The following MYO5B variants were observed in gnomAD, a reference collection of about 807,000 sequenced individuals.
MYO5B encodes myosin VB.
A neutral mutation model predicts 229.3 loss-of-function variants in MYO5B; 143 were observed. The ratio of observed to expected loss-of-function variants is 0.62; its 90% CI spans 0.54 to 0.72. MYO5B has a LOEUF of 0.72. MYO5B is among the 30% of genes least tolerant of loss of function. MYO5B has a pLI of 0.00. For synonymous variants in MYO5B, 918 were observed against 885.2 expected, an observed-to-expected ratio of 1.04 and a Z score of -0.66; for missense variants, 2,321 against 2,331.0, an observed-to-expected ratio of 1.00 and a Z score of 0.09.
chr18:50,044,897 G>A (rs1458730754), intron 2 of MYO5B, among the ~76,000 whole-genome samples: 1 of 151,846 alleles, frequency 6.6e-6, no homozygotes, highest in Admixed American at 6.6e-5. Context: ...CAAGTAGGAG[G>A]GGGGAAAAAG....
At chr18:50,013,120 C>A (rs769413230) in intron 4 of MYO5B, among the ~76,000 whole-genome samples, 5 of 152,226 alleles carry the variant, frequency 3.3e-5, no homozygotes, top group Non-Finnish European at 4.4e-5. Flanking sequence ...GGTTGCTAAA[C>A]ACATCTGAGT....
At chr18:49,977,544 C>A (rs1207066622) in intron 9 of MYO5B, among the ~76,000 whole-genome samples, 2 of 152,124 alleles carry the variant, frequency 1.3e-5, no homozygotes, top group Non-Finnish European at 1.5e-5. Context: ...CTGTGCCTGG[C>A]ACTGTGAGGG....
chr18:49,988,735 AG>A (rs1446224978), intron 7 of MYO5B, among the ~76,000 whole-genome samples: 3 of 152,210 alleles, frequency 2.0e-5, no homozygotes, highest in African/African-American at 4.8e-5. Flanking sequence ...GGAGGATGGC[AG>A]TGGCCCCTAA....
intron 5 of MYO5B, among the ~76,000 whole-genome samples, chr18:50,000,228 T>C (rs4283318): frequency 0.91 from 137,757 of 152,198 alleles, 63,251 homozygotes; most frequent in East Asian, 1. Context: ...AAGACCAAAC[T>C]CCATGGTGAC....
At chr18:49,982,689 T>C (rs1304443758) in intron 8 of MYO5B, among the ~76,000 whole-genome samples, 1 of 152,208 alleles carries the variant, frequency 6.6e-6, no homozygotes, top group Non-Finnish European at 1.5e-5. Flanking sequence ...TTACGTTCTG[T>C]CTATTGCTAC....
In MYO5B at chr18:49,962,427, A is replaced by G. The variant is rs190838455; in HGVS notation, c.1405-21T>C. 70 of 1,614,078 alleles carry G rather than the reference A, an allele frequency of 4.3e-5. No homozygotes were observed. In the East Asian group the frequency reaches 1.4e-3, roughly 32 times the overall value. On this transcript the variant is annotated intron_variant, in intron 11 of 39. Transcript: ENST00000285039. ...ACATGCTAGGGCAAGTAAAAAGGTC[A>G]CACGAGTGAACTGCAGGCACACCTT...
At chr18:50,035,399 A>G (rs1271819249) in intron 4 of MYO5B, among the ~76,000 whole-genome samples, 2 of 152,240 alleles carry the variant, frequency 1.3e-5, no homozygotes, top group Admixed American at 1.3e-4. Context: ...AACCATAAAG[A>G]AACCATCTTC....
Position 49,980,563 on chromosome 18 carries a change from A to G in MYO5B, c.947-10T>C. ...TGGGACTCTTTCACTCCTGGAAAAGAAAAATGAATGGATGACACTCAGTAT... is the reference window on the plus strand; with the variant it reads ...TGGGACTCTTTCACTCCTGGAAAAGGAAAATGAATGGATGACACTCAGTAT... On this transcript the variant is annotated splice_polypyrimidine_tract_variant and intron_variant, in intron 8 of 39. Transcript: ENST00000285039. 1 of 1,554,752 alleles carries G rather than the reference A, an allele frequency of 6.4e-7. No homozygotes were observed. Among genetic ancestry groups the G allele is most frequent in the Non-Finnish European group, 8.9e-7 (1 of 1,125,966 alleles).
chr18:50,139,557 C>A (rs969836967), intron 1 of MYO5B, among the ~76,000 whole-genome samples: 10 of 152,168 alleles, frequency 6.6e-5, no homozygotes, highest in Non-Finnish European at 1.0e-4. Context: ...GGAAGAGACA[C>A]AAGTGAGTGA....
Position 50,093,180 on chromosome 18 carries a change from C to CCACACACA in MYO5B, c.28-37810_28-37803dup, listed in dbSNP as rs3075642. Among the ~76,000 whole-genome samples the CCACACACA allele has an allele frequency of 4.3e-3, 637 of 148,738 alleles. 7 individuals are homozygous for CCACACACA. The highest frequency in any genetic ancestry group is 0.013 in the African/African-American group (536 of 40,702). ...ATACTACTAACCTATGAGCTTTGTG[C>CCACACACA]CACACACACACACACACACACACAC... On this transcript the variant is annotated intron_variant, in intron 1 of 39. Coordinates refer to ENST00000285039, the MANE Select transcript of MYO5B (RefSeq NM_001080467.3).
chr18:49,990,392 G>C (rs1272773748), intron 7 of MYO5B, 47 bp downstream of exon 7: 6 of 1,524,304 alleles, frequency 3.9e-6, no homozygotes, highest in Middle Eastern at 1.7e-4. Flanking sequence ...TGCACCCGCT[G>C]GAGCAGTAGC....
intron 4 of MYO5B, among the ~76,000 whole-genome samples, chr18:50,030,474 A>G (rs2026375357): frequency 6.6e-6 from 1 of 152,072 alleles, no homozygotes; most frequent in African/African-American, 2.4e-5. Context: ...ATGGACACTC[A>G]TTTCCATACT....
chr18:50,183,840 G>A (rs574511040), intron 1 of MYO5B, among the ~76,000 whole-genome samples: 2 of 152,224 alleles, frequency 1.3e-5, no homozygotes, highest in South Asian at 2.1e-4. Flanking sequence ...TCTCACTATA[G>A]TGAGACTGGA....
At chr18:49,988,386 G>A (rs1402877922) in intron 7 of MYO5B, among the ~76,000 whole-genome samples, 1 of 152,126 alleles carries the variant, frequency 6.6e-6, no homozygotes, top group African/African-American at 2.4e-5. Flanking sequence ...TATTCTCAGA[G>A]GGCACATGAA....
At position 50,077,168 on chromosome 18, in the gene MYO5B, TAAAAAAAAAAAAA is replaced by T. The variant is rs71169476; in HGVS notation, c.28-21803_28-21791del. On this transcript the variant is annotated intron_variant, in intron 1 of 39. Coordinates refer to ENST00000285039, the MANE Select transcript of MYO5B (RefSeq NM_001080467.3). Reference sequence around the variant, plus strand: ...TTAGGGTTAATTTATTGTGGCAAAGTAAAAAAAAAAAAAAAAAAAAAAAAAGACAACTTACATC... The same window carrying T: ...TTAGGGTTAATTTATTGTGGCAAAGTAAAAAAAAAAAAGACAACTTACATC... Among the ~76,000 whole-genome samples the T allele has an allele frequency of 9.8e-5, 8 of 81,232 alleles. 1 individual carries two copies. Among genetic ancestry groups the T allele is most frequent in the Admixed American group, 9.7e-4 (6 of 6,200 alleles). 53.3% of individuals were successfully genotyped at this position (81,232 alleles called of 152,430 possible).
intron 1 of MYO5B, among the ~76,000 whole-genome samples, chr18:50,060,483 C>T (rs2144427020): frequency 6.6e-6 from 1 of 152,304 alleles, no homozygotes; most frequent in South Asian, 2.1e-4. Flanking sequence ...CCATACCACT[C>T]AATTTGTCAC....
chr18:49,964,389 T>C (rs1253500111), intron 10 of MYO5B, among the ~76,000 whole-genome samples: 5 of 152,206 alleles, frequency 3.3e-5, no homozygotes, highest in East Asian at 3.8e-4. Flanking sequence ...CTTCTGTTGA[T>C]GGGTGATGCA....
chr18:49,977,118 C>T (rs562022811), intron 9 of MYO5B, among the ~76,000 whole-genome samples: 58 of 152,242 alleles, frequency 3.8e-4, no homozygotes, highest in Admixed American at 5.2e-4. Context: ...CCCTGGGGAC[C>T]GGCTTTTAAC....
chr18:50,123,236 C>T (rs1291940537), intron 1 of MYO5B, among the ~76,000 whole-genome samples: 1 of 152,112 alleles, frequency 6.6e-6, no homozygotes, highest in Non-Finnish European at 1.5e-5. Context: ...CCAGAATACA[C>T]AAATCCATAG....
Sources: allele counts gnomAD v4.1 joint callset (sites outside exome capture counted in the v4.1 genomes callset), GRCh38; gene constraint gnomAD v4.1.1; transcripts MANE v1.5; gene names NCBI Gene and HGNC (gene_info 2026-07-23, HGNC 2026-07-21).